The following RNLS variants were observed in gnomAD, a reference collection of about 807,000 sequenced individuals.
RNLS encodes renalase, FAD dependent amine oxidase, also known as renalase.
Under a neutral mutation model 39.8 loss-of-function variants are expected in RNLS, and 39 were observed. The observed-to-expected ratio is 0.98, with a 90% CI of 0.76 to 1.28. The LOEUF (loss-of-function observed/expected upper bound fraction) is 1.28, where lower values mean the gene tolerates loss of function less well. RNLS is among the 50% of genes most tolerant of loss of function. RNLS has a pLI of 0.00. For synonymous variants in RNLS, 147 were observed against 150.7 expected (o/e 0.98, Z 0.18); for missense variants, 410 against 413.3 (o/e 0.99, Z 0.07).
intron 6 of RNLS, among the ~76,000 whole-genome samples, chr10:88,295,142 T>C (rs11202704): frequency 0.23 from 34,887 of 152,118 alleles, 4,578 homozygotes; most frequent in South Asian, 0.28. Context: ...ATTTGTTATA[T>C]TATTAAGAAA....
the RNLS span, among the ~76,000 whole-genome samples, chr10:88,172,842 G>GTTTTTTT: frequency 0.029 from 1,270 of 43,654 alleles, 427 homozygotes; most frequent in Non-Finnish European, 0.036. Context: ...ATTTTGAGTT[G>GTTTTTTT]TTTTTTTTTT....
chr10:88,564,272 G>C (rs1849362847), intron 4 of RNLS, among the ~76,000 whole-genome samples: 2 of 151,912 alleles, frequency 1.3e-5, no homozygotes, highest in African/African-American at 2.4e-5. Flanking sequence ...ATCTAGGAAA[G>C]AGAAGCTCAA....
chr10:88,171,913 G>A, the RNLS span, among the ~76,000 whole-genome samples: 2 of 152,044 alleles, frequency 1.3e-5, no homozygotes, highest in Non-Finnish European at 2.9e-5. Flanking sequence ...CTTCATATGA[G>A]TGATTCTATG....
At chr10:88,403,805 C>G (rs1853088969) in intron 4 of RNLS, among the ~76,000 whole-genome samples, 1 of 151,550 alleles carries the variant, frequency 6.6e-6, no homozygotes, top group South Asian at 2.1e-4. Context: ...AAGGCCGATG[C>G]AGGAGGATCA....
chr10:88,421,133 T>C (rs902495327), intron 4 of RNLS, among the ~76,000 whole-genome samples: 1 of 152,176 alleles, frequency 6.6e-6, no homozygotes, highest in Non-Finnish European at 1.5e-5. Context: ...AAGTAACAGC[T>C]TGGAGAGGTA....
rs371355536 is a variant in RNLS at position 88,424,960 on chromosome 10, A to C, written c.527-62235T>G. On this transcript the variant is annotated intron_variant, in intron 4 of 6. Coordinates refer to ENST00000331772, the MANE Select transcript of RNLS (RefSeq NM_001031709.3). ...TTCACTAGAATATAAAATATGTAACAAGAACTTACATGACCTTCCAGCATC... is the reference window on the plus strand; with the variant it reads ...TTCACTAGAATATAAAATATGTAACCAGAACTTACATGACCTTCCAGCATC... 3.2e-3 allele frequency among the ~76,000 whole-genome samples: 490 copies of C among 152,264 alleles called. 31 individuals carry two copies. The South Asian group carries it at 0.089, about 28-fold the overall frequency.
intron 4 of RNLS, among the ~76,000 whole-genome samples, chr10:88,428,282 T>C (rs1488312924): frequency 1.3e-5 from 2 of 151,600 alleles, no homozygotes; most frequent in Non-Finnish European, 3.0e-5. Context: ...TTTGCATTTC[T>C]GTAGTTTTAT....
rs766086125 is a variant in RNLS at position 88,417,638 on chromosome 10, TCCTGAAATATGAGCCATAGC to T, written c.527-54933_527-54914del. On this transcript the variant is annotated intron_variant, in intron 4 of 6. Coordinates refer to ENST00000331772, the MANE Select transcript of RNLS (RefSeq NM_001031709.3). ...TCCTTGAGGCCACTCAAAGGCCAGC[TCCTGAAATATGAGCCATAGC>T]CCTTTAAATATCTGTGTTATTATGA... 5.0e-4 allele frequency among the ~76,000 whole-genome samples: 76 copies of T among 152,194 alleles called. 1 individual carries two copies. Among genetic ancestry groups the T allele is most frequent in the Non-Finnish European group, 1.6e-4 (11 of 68,024 alleles).
At chr10:88,525,729 T>C (rs1456841581) in intron 4 of RNLS, among the ~76,000 whole-genome samples, 1 of 152,182 alleles carries the variant, frequency 6.6e-6, no homozygotes, top group Admixed American at 6.6e-5. Flanking sequence ...GTCAAGTAGG[T>C]GGTAAAGAAT....
rs1450393782 is a variant in RNLS, at chr10:88,464,819, T to C, written c.527-102094A>G. 2.0e-5 allele frequency among the ~76,000 whole-genome samples: 3 copies of C among 150,842 alleles called. No homozygotes were observed. The Middle Eastern group carries it at 0.01, about 513-fold the overall frequency. ...CAGTGAAAATGGACTTCACAAGGAG[T>C]ATGGTGGCTGCCAAACTAAATGCTG... is the stretch of plus-strand genomic sequence containing the variant. On this transcript the variant is annotated intron_variant, in intron 4 of 6. Coordinates refer to ENST00000331772, the MANE Select transcript of RNLS (RefSeq NM_001031709.3).
At chr10:88,295,130 A>G (rs903716640) in intron 6 of RNLS, among the ~76,000 whole-genome samples, 1 of 152,218 alleles carries the variant, frequency 6.6e-6, no homozygotes, top group Non-Finnish European at 1.5e-5. Context: ...CATATGAAAT[A>G]TATTTGTTAT....
At chr10:88,203,346 G>GTA in the RNLS span, among the ~76,000 whole-genome samples, 1 of 14,594 alleles carries the variant, frequency 6.9e-5, no homozygotes, top group Admixed American at 9.1e-4. Context: ...ACACGTATGT[G>GTA]TATATATATA....
intron 4 of RNLS, among the ~76,000 whole-genome samples, chr10:88,544,571 A>G (rs1243858790): frequency 6.6e-6 from 1 of 152,248 alleles, no homozygotes; most frequent in Non-Finnish European, 1.5e-5. Flanking sequence ...TTTGACTCAC[A>G]AGAATCTTTT....
At chr10:88,285,541 C>G in intron 6 of RNLS, 35 bp from the exon 7 acceptor site, 1 of 1,585,154 alleles carries the variant, frequency 6.3e-7, no homozygotes, top group Non-Finnish European at 8.7e-7. Context: ...AATTGACATT[C>G]TGTGCTCTAT....
the RNLS span, among the ~76,000 whole-genome samples, chr10:88,207,444 A>T: frequency 6.6e-6 from 1 of 152,164 alleles, no homozygotes; most frequent in Admixed American, 6.6e-5. Flanking sequence ...TGAACTGACC[A>T]TTAGGGGAAT....
the RNLS span, among the ~76,000 whole-genome samples, chr10:88,260,944 G>A: frequency 6.6e-6 from 1 of 152,194 alleles, no homozygotes; most frequent in Non-Finnish European, 1.5e-5. Context: ...AATACTATAT[G>A]TGCCCAAACC....
chr10:88,433,857 T>G (rs1855285535), intron 4 of RNLS, among the ~76,000 whole-genome samples: 1 of 152,160 alleles, frequency 6.6e-6, no homozygotes, highest in Non-Finnish European at 1.5e-5. Flanking sequence ...CAAAATAATG[T>G]AATGCAATAT....
intron 4 of RNLS, among the ~76,000 whole-genome samples, chr10:88,464,733 AT>A (rs1843109529): frequency 6.7e-6 from 1 of 149,658 alleles, no homozygotes; most frequent in Admixed American, 6.7e-5. Context: ...TCCTCAAGTC[AT>A]AAAACACTAA....
the RNLS span, among the ~76,000 whole-genome samples, chr10:88,179,650 G>A: frequency 3.3e-5 from 5 of 152,308 alleles, no homozygotes; most frequent in East Asian, 3.9e-4. Context: ...GTCACATAGA[G>A]ATTAAAGGTC....
Sources: allele counts gnomAD v4.1 joint callset (sites outside exome capture counted in the v4.1 genomes callset), GRCh38; gene constraint gnomAD v4.1.1; transcripts MANE v1.5; gene names NCBI Gene and HGNC (gene_info 2026-07-23, HGNC 2026-07-21).